The following OTUD4 variants were observed in gnomAD, a reference collection of about 807,000 sequenced individuals.
OTUD4 encodes the protein OTU deubiquitinase 4.
Under a neutral mutation model 130.4 loss-of-function variants are expected in OTUD4, and 24 were observed. The observed-to-expected ratio is 0.18, with a 90% CI of 0.13 to 0.26. The LOEUF (loss-of-function observed/expected upper bound fraction) is 0.26. Ranked by LOEUF, OTUD4 falls within the 10% of genes least tolerant of loss-of-function variation. The pLI is 1.00. For synonymous variants in OTUD4, 420 were observed against 472.5 expected (o/e 0.89, Z 1.44); for missense variants, 1,031 against 1,329.4 (o/e 0.78, Z 3.49).
intron 5 of OTUD4, among the ~76,000 whole-genome samples, chr4:145,163,534 T>C (rs1751688347): frequency 6.6e-6 from 1 of 152,130 alleles, no homozygotes; most frequent in Non-Finnish European, 1.5e-5. Flanking sequence ...GTTATTTTTT[T>C]TTACTAATGT....
At chr4:145,166,337 C>A (rs1279965387) in intron 3 of OTUD4, among the ~76,000 whole-genome samples, 2 of 152,026 alleles carry the variant, frequency 1.3e-5, no homozygotes, top group African/African-American at 4.8e-5. Context: ...TCACTTAAAG[C>A]CTTTCTGAAA....
At position 145,144,411 on chromosome 4, in the gene OTUD4, A is replaced by G. The variant is rs74736399; in HGVS notation, c.1446T>C (p.Ala482=). ...GGACACATGGATTGCTACTCTGAGA[A>G]GCTGACTGATTGACTGATGAGCTCT... ...ALSSSSVNQS[A]SQSSNPCVQR... The change falls in exon 15 of 21, where the codon GCT becomes GCC. Residue 482 remains alanine, a synonymous_variant. Transcript: ENST00000447906. 2.6e-4 allele frequency: 424 copies of G among 1,611,906 alleles called. 4 individuals carry two copies. The East Asian group carries it at 9.1e-3, about 35-fold the overall frequency.
At chr4:145,166,779 G>A (rs761052777) in intron 3 of OTUD4, among the ~76,000 whole-genome samples, 6 of 152,108 alleles carry the variant, frequency 3.9e-5, no homozygotes, top group East Asian at 1.9e-4. Flanking sequence ...GGCAGCAGTC[G>A]AGTAAGCCGA....
chr4:145,163,569 G>A (rs1312653773), intron 5 of OTUD4, among the ~76,000 whole-genome samples: 2 of 151,722 alleles, frequency 1.3e-5, no homozygotes, highest in Non-Finnish European at 2.9e-5. Context: ...AACTATAATA[G>A]TCTAGTTCAT....
At chr4:145,166,277 T>C (rs2126793353) in intron 3 of OTUD4, among the ~76,000 whole-genome samples, 1 of 152,192 alleles carries the variant, frequency 6.6e-6, no homozygotes, top group East Asian at 1.9e-4. Flanking sequence ...GAGAGCAGTG[T>C]CCTAGCAATT....
chr4:145,169,569 CT>C (rs1164803512), intron 3 of OTUD4, among the ~76,000 whole-genome samples: 2 of 152,212 alleles, frequency 1.3e-5, no homozygotes, highest in Non-Finnish European at 2.9e-5. Context: ...ACTGCAACCT[CT>C]GCATCCCAGG....
At chr4:145,144,042 A>G (rs757312594) in intron 15 of OTUD4, 41 bp from the exon 16 acceptor site, 2 of 1,473,892 alleles carry the variant, frequency 1.4e-6, no homozygotes, top group East Asian at 2.3e-5. Context: ...ATAAGCCACC[A>G]GTCATGTCTG....
At chr4:145,160,582 G>A (rs1054979305) in intron 6 of OTUD4, among the ~76,000 whole-genome samples, 3 of 152,188 alleles carry the variant, frequency 2.0e-5, no homozygotes, top group Admixed American at 6.5e-5. Flanking sequence ...GGAGACCAAG[G>A]CGGGCAGATC....
chr4:145,146,299 T>G lies in OTUD4; in HGVS notation c.1390A>C (p.Asn464His). The G allele has an allele frequency of 3.8e-6, 6 of 1,580,230 alleles. No homozygotes were observed. Among genetic ancestry groups the G allele is most frequent in the Non-Finnish European group, 5.1e-6 (6 of 1,167,138 alleles). Residue 464 changes from asparagine to histidine, a missense_variant, in exon 14 of 21, where the codon AAC (asparagine) becomes CAC (histidine). Physicochemically the swap from Asn to His is moderately conservative, Grantham distance 68. This residue lies in a region of OTUD4 where 900 missense variants were observed against 1,095.9 expected (regional missense o/e 0.82). Transcript: ENST00000447906. ...EESRLLYEIQ[N>H]RDEQAFPALS... Reference sequence around the variant, plus strand: ...GCTGGGAAAGCCTGTTCATCTCTGTTCTGAATCTCATAGAGTAAACGGGAT... The same window carrying G: ...GCTGGGAAAGCCTGTTCATCTCTGTGCTGAATCTCATAGAGTAAACGGGAT...
rs1227096326 is a variant in OTUD4, at chr4:145,134,615, G to A, written c.*2815C>T. The A allele has an allele frequency of 2.5e-6, 1 of 397,958 alleles. No individual in the cohort carries two copies. The highest frequency in any genetic ancestry group is 3.6e-5 in the East Asian group (1 of 28,080). 24.7% of individuals were successfully genotyped at this position (397,958 alleles called of 1,614,324 possible). On this transcript the variant is annotated 3_prime_UTR_variant, in exon 21 of 21. Coordinates refer to ENST00000447906, the MANE Select transcript of OTUD4 (RefSeq NM_001366057.1). ...AGCATTGTGGTCTGGGAAAACCTAT[G>A]CTTGCCAGGACAAGGCAGGGTCTGA...
In OTUD4 at chr4:145,135,465, A is replaced by C. The variant is rs1750195202; in HGVS notation, c.*1965T>G. ...AACTTTCAAATCTGGTGTTTGTATC[A>C]AAATGTGATTTTCATTAAAATCAGG... On this transcript the variant is annotated 3_prime_UTR_variant, in exon 21 of 21. Transcript: ENST00000447906. 3 of 152,222 alleles carry C rather than the reference A, an allele frequency of 2.0e-5. No individual in the cohort carries two copies. In the South Asian group the frequency reaches 6.2e-4, roughly 31 times the overall value. The allele number at this position is 152,222 out of a possible 1,614,324, so 9.4% of individuals were successfully genotyped here.
At chr4:145,141,030 G>A (rs930140009) in intron 19 of OTUD4, among the ~76,000 whole-genome samples, 3 of 151,834 alleles carry the variant, frequency 2.0e-5, no homozygotes, top group African/African-American at 7.3e-5. Context: ...GCCAGGCCTG[G>A]TGGCATGTGC....
At chr4:145,175,303 A>G (rs1026366887) in intron 1 of OTUD4, among the ~76,000 whole-genome samples, 1 of 125,530 alleles carries the variant, frequency 8.0e-6, no homozygotes, top group Non-Finnish European at 1.8e-5. Flanking sequence ...AGCTTATAAG[A>G]CAAGAAAGAA....
At chr4:145,150,933 C>A in intron 11 of OTUD4, 28 bp from the exon 12 acceptor site, 1 of 1,367,276 alleles carries the variant, frequency 7.3e-7, no homozygotes, top group Non-Finnish European at 1.0e-6. Flanking sequence ...CTTGTGATAG[C>A]TTAAAATACC....
intron 3 of OTUD4, among the ~76,000 whole-genome samples, chr4:145,166,990 C>CA (rs1430260849): frequency 6.6e-6 from 1 of 151,836 alleles, no homozygotes; most frequent in African/African-American, 2.4e-5. Context: ...TTGTGAAAAA[C>CA]AAAAAGGCAT....
At position 145,138,002 on chromosome 4, in the gene OTUD4, C is replaced by A. The variant is rs1339945184; in HGVS notation, c.2773G>T (p.Glu925Ter). The A allele has an allele frequency of 6.2e-7, 1 of 1,614,094 alleles. No individual in the cohort carries two copies. The change falls in exon 21 of 21, where the codon GAA (glutamate) becomes TAA (stop). Residue 925 changes from glutamate (E) to a stop codon, truncating the protein, a stop_gained. Coordinates refer to ENST00000447906, the MANE Select transcript of OTUD4 (RefSeq NM_001366057.1). LOFTEE classifies it high-confidence loss of function. The part of the protein sequence containing the change: ...ARGEHVHSLP[E>*]ASVSSKPDEG... ...TCCGGCTTACTGCTCACACTTGCTT[C>A]AGGGAGAGAATGTACATGTTCACCC... is the stretch of plus-strand genomic sequence containing the variant.
intron 1 of OTUD4, among the ~76,000 whole-genome samples, chr4:145,175,910 A>G (rs989057292): frequency 6.6e-6 from 1 of 151,886 alleles, no homozygotes; most frequent in Admixed American, 6.5e-5. Context: ...TTCCCCCACC[A>G]GGCTGGAGTG....
At position 145,155,478 on chromosome 4, in the gene OTUD4, G is replaced by GT; in HGVS notation, c.809-4dup. The GT allele has an allele frequency of 6.3e-7, 1 of 1,579,650 alleles. No individual in the cohort carries two copies. Among genetic ancestry groups the GT allele is most frequent in the Non-Finnish European group, 8.5e-7 (1 of 1,169,934 alleles). On this transcript the variant is annotated splice_polypyrimidine_tract_variant and splice_region_variant and intron_variant, in intron 9 of 20. Coordinates refer to ENST00000447906, the MANE Select transcript of OTUD4 (RefSeq NM_001366057.1). ...GGAATAATCACGTTTTTGCTGAGCTGTTAAAAAAAAAAAGGTCAGTATAAT... is the reference window on the plus strand; with the variant it reads ...GGAATAATCACGTTTTTGCTGAGCTGTTTAAAAAAAAAAAGGTCAGTATAAT...
intron 10 of OTUD4, among the ~76,000 whole-genome samples, chr4:145,153,141 C>T (rs1362659324): frequency 2.6e-5 from 4 of 152,228 alleles, no homozygotes; most frequent in African/African-American, 9.6e-5. Context: ...TCCCAGACCT[C>T]CATATCTCCT....
Sources: allele counts gnomAD v4.1 joint callset (sites outside exome capture counted in the v4.1 genomes callset), GRCh38; gene constraint gnomAD v4.1.1; regional missense constraint gnomAD v4.1.1; transcripts MANE v1.5; gene names NCBI Gene and HGNC (gene_info 2026-07-23, HGNC 2026-07-21).